The following KAZN variants were observed in gnomAD, a reference collection of about 807,000 sequenced individuals.
The protein encoded by KAZN is kazrin, periplakin interacting protein, also known as kazrin.
Under a neutral mutation model 87.4 loss-of-function variants are expected in KAZN, and 40 were observed. That is an observed-to-expected ratio of 0.46 (90% CI 0.36 to 0.60). The LOEUF is 0.60. Ranked by LOEUF, KAZN falls within the 20% of genes least tolerant of loss-of-function variation. The pLI is 0.00. For missense variants in KAZN, 898 were observed against 1,073.9 expected, an observed-to-expected ratio of 0.84 and a Z score of 2.29; for synonymous variants, 466 against 458.3, an observed-to-expected ratio of 1.02 and a Z score of -0.22.
At chr1:14,417,402 A>G (rs1254106440) in intron 2 of KAZN, among the ~76,000 whole-genome samples, 2 of 152,204 alleles carry the variant, frequency 1.3e-5, no homozygotes, top group Non-Finnish European at 2.9e-5. Flanking sequence ...TTGGAAGGAA[A>G]GATACTTAAT....
At chr1:14,921,428 C>G (rs57872446) in intron 1 of KAZN, among the ~76,000 whole-genome samples, 1 of 152,032 alleles carries the variant, frequency 6.6e-6, no homozygotes, top group Non-Finnish European at 1.5e-5. Flanking sequence ...TCCTCCCTTT[C>G]CTTCTTAAGT....
rs3033865 is a variant in KAZN at position 14,188,194 on chromosome 1, CGTGTGTGT to C, written c.249+7638_249+7645del. Among the ~76,000 whole-genome samples the C allele has an allele frequency of 2.2e-3, 313 of 140,120 alleles. 2 individuals are homozygous for C. Among genetic ancestry groups the C allele is most frequent in the African/African-American group, 4.0e-3 (148 of 37,026 alleles). The allele number at this position is 140,120 out of a possible 152,430, so 91.9% of individuals were successfully genotyped here. A position where few individuals can be genotyped will look rare whatever the true frequency, so the allele number is the denominator to read the frequency against. On this transcript the variant is annotated intron_variant, in intron 2 of 16. Coordinates refer to the KAZN transcript ENST00000636203. The stretch of plus-strand genomic sequence containing the variant: ...GGGGATGGAGAGAGAGAGAGAGGAG[CGTGTGTGT>C]GTGTGTGTGTGTGTGTGTGTGTGTG...
intron 2 of KAZN, among the ~76,000 whole-genome samples, chr1:14,994,647 T>C (rs544933496): frequency 6.6e-6 from 1 of 152,370 alleles, no homozygotes; most frequent in South Asian, 2.1e-4. Context: ...TCTGTTGTTC[T>C]TGGGCTTCCT....
chr1:15,112,439 C>A lies in KAZN; in HGVS notation c.2061C>A (p.Ile687=). The change falls in exon 14 of 15, where the codon ATC becomes ATA. Residue 687 remains isoleucine (I), a synonymous_variant. Transcript: ENST00000376030. The stretch of plus-strand genomic sequence containing the variant: ...GTCCTCTCTTCAGCTCCACAGGCAT[C>A]CGGGAGGCTGAGCGTTTTGGAACGC... ...AVFHPANSTG[I]REAERFGTPP... The A allele has an allele frequency of 6.3e-7, 1 of 1,598,586 alleles. No individual in the cohort carries two copies. Among genetic ancestry groups the A allele is most frequent in the Non-Finnish European group, 8.5e-7 (1 of 1,173,072 alleles).
At chr1:14,847,256 G>A (rs1287679891) in intron 1 of KAZN, among the ~76,000 whole-genome samples, 1 of 152,148 alleles carries the variant, frequency 6.6e-6, no homozygotes, top group Non-Finnish European at 1.5e-5. Flanking sequence ...GCCCGCCAAG[G>A]GCTTCCGAAG....
chr1:14,686,415 C>T (rs1451108519), intron 1 of KAZN, among the ~76,000 whole-genome samples: 1 of 152,224 alleles, frequency 6.6e-6, no homozygotes, highest in Non-Finnish European at 1.5e-5. Context: ...GATACCATCC[C>T]ACATTGCTGG....
At position 15,056,242 on chromosome 1, in the gene KAZN, T is replaced by C. The variant is rs1638264434; in HGVS notation, c.878T>C (p.Leu293Pro). The stretch of plus-strand genomic sequence containing the variant: ...GCCATCCGGCAGAGTCAACAGACTC[T>C]CTACCACTCACACCCCCCTCACCCT... ...TAAIRQSQQT[L>P]YHSHPPHPAD... The change falls in exon 5 of 15, where the codon CTC becomes CCC. Residue 293 changes from leucine to proline, a missense_variant. By Grantham distance (98) the Leu-to-Pro change is moderately conservative (BLOSUM62 -3). Coordinates refer to ENST00000376030, the MANE Select transcript of KAZN (RefSeq NM_201628.3). This position sits in a 1 kb window ranked among gnomAD's most constrained non-coding sequence, Gnocchi z 5.4. 3 of 1,613,066 alleles carry C rather than the reference T, an allele frequency of 1.9e-6. No individual in the cohort carries two copies. Among genetic ancestry groups the C allele is most frequent in the Non-Finnish European group, 1.7e-6 (2 of 1,179,216 alleles).
intron 1 of KAZN, among the ~76,000 whole-genome samples, chr1:14,937,747 C>T (rs530843297): frequency 3.3e-5 from 5 of 152,362 alleles, no homozygotes; most frequent in African/African-American, 9.6e-5. Flanking sequence ...GTGCTCCAGA[C>T]GGCATCTGGC....
intron 1 of KAZN, among the ~76,000 whole-genome samples, chr1:13,923,559 C>A (rs1236676126): frequency 2.3e-5 from 3 of 129,338 alleles, no homozygotes; most frequent in Non-Finnish European, 1.6e-5. Flanking sequence ...GGTGACAGAG[C>A]GAGACTCCAT....
intron 1 of KAZN, among the ~76,000 whole-genome samples, chr1:14,052,136 C>T (rs1642366550): frequency 6.6e-6 from 1 of 152,216 alleles, no homozygotes; most frequent in Admixed American, 6.5e-5. Flanking sequence ...CCATCACTGG[C>T]ACCCGGCTCA....
At chr1:14,863,724 G>T (rs1421848552) in intron 1 of KAZN, among the ~76,000 whole-genome samples, 1 of 152,172 alleles carries the variant, frequency 6.6e-6, no homozygotes, top group Admixed American at 6.5e-5. Flanking sequence ...AGGGAATAAT[G>T]AACTCAGCTG....
At chr1:13,945,101 A>G (rs1641086695) in intron 1 of KAZN, among the ~76,000 whole-genome samples, 1 of 152,176 alleles carries the variant, frequency 6.6e-6, no homozygotes, top group African/African-American at 2.4e-5. Context: ...ACTAGATATA[A>G]AGAGAAACAT....
rs139462491 is a variant in KAZN at position 15,005,529 on chromosome 1, T to G, written c.419-29220T>G. The stretch of plus-strand genomic sequence containing the variant: ...GGCCGGGTGCGGTGGCTCACACCTA[T>G]CATCCCAGCACTTTGGGAGGCTGAG... On this transcript the variant is annotated intron_variant, in intron 2 of 14. Coordinates refer to ENST00000376030, the MANE Select transcript of KAZN (RefSeq NM_201628.3). Among the ~76,000 whole-genome samples the G allele has an allele frequency of 6.8e-3, 1,041 of 152,292 alleles. 19 individuals carry two copies. The highest frequency in any genetic ancestry group is 0.023 in the African/African-American group (938 of 41,562).
At chr1:15,007,684 CCCG>C (rs1484563239) in intron 2 of KAZN, among the ~76,000 whole-genome samples, 1 of 152,208 alleles carries the variant, frequency 6.6e-6, no homozygotes. Flanking sequence ...AGCTCACCTG[CCCG>C]CCTCCATAAC....
chr1:14,666,303 C>G lies in KAZN; in HGVS notation c.226+67080C>G, dbSNP rs1160910187. On this transcript the variant is annotated intron_variant, in intron 1 of 14. Transcript: ENST00000376030. ...CAGGATTTGTAGAGGGTTTTGTTTTCTTCTCCTCGCCCCCTTTCCCTGTTC... is the reference window on the plus strand; with the variant it reads ...CAGGATTTGTAGAGGGTTTTGTTTTGTTCTCCTCGCCCCCTTTCCCTGTTC... Among the ~76,000 whole-genome samples the G allele has an allele frequency of 3.3e-5, 5 of 152,118 alleles. No individual in the cohort carries two copies. In the East Asian group the frequency reaches 9.6e-4, roughly 29 times the overall value.
At position 14,728,075 on chromosome 1, in the gene KAZN, C is replaced by A. The variant is rs377669895; in HGVS notation, c.226+128852C>A. ...CCGAGACGGGCGGATCATCTGAGGT[C>A]AGGAGTTCGAGACCAGCCTGGCCAA... On this transcript the variant is annotated intron_variant, in intron 1 of 14. Transcript: ENST00000376030. 7.2e-5 allele frequency among the ~76,000 whole-genome samples: 11 copies of A among 151,810 alleles called. No individual in the cohort carries two copies. The South Asian group carries it at 2.3e-3, about 32-fold the overall frequency.
intron 2 of KAZN, among the ~76,000 whole-genome samples, chr1:14,396,792 C>T (rs759742094): frequency 3.3e-5 from 5 of 152,296 alleles, no homozygotes; most frequent in Non-Finnish European, 5.9e-5. Context: ...AGCCATGCAG[C>T]CTGGATCTGT....
intron 1 of KAZN, among the ~76,000 whole-genome samples, chr1:14,771,962 C>G (rs974840558): frequency 3.3e-5 from 5 of 152,168 alleles, no homozygotes; most frequent in African/African-American, 4.8e-5. Context: ...GATTCCAAGA[C>G]AGCAGGCAGC....
intron 1 of KAZN, among the ~76,000 whole-genome samples, chr1:14,668,109 C>T (rs1452338817): frequency 3.9e-5 from 6 of 152,174 alleles, no homozygotes; most frequent in Non-Finnish European, 1.5e-5. Context: ...GACTCTTCTA[C>T]ACCTCTAAAT....
Sources: allele counts gnomAD v4.1 joint callset (sites outside exome capture counted in the v4.1 genomes callset), GRCh38; gene constraint gnomAD v4.1.1; non-coding constraint Gnocchi (gnomAD v3.1); transcripts MANE v1.5; gene names NCBI Gene and HGNC (gene_info 2026-07-23, HGNC 2026-07-21).